Variants in FOXN3 observed in about 807,000 individuals in gnomAD.
FOXN3 encodes forkhead box N3.
FOXN3 carries 7 observed loss-of-function variants against 38.4 expected under a neutral mutation model. The ratio of observed to expected loss-of-function variants is 0.18; its 90% CI spans 0.10 to 0.34. FOXN3 has a LOEUF of 0.34. FOXN3 is among the 10% of genes least tolerant of loss of function. The pLI is 1.00. For synonymous variants in FOXN3, 230 were observed against 242.2 expected (o/e 0.95, Z 0.47); for missense variants, 456 against 613.4 (o/e 0.74, Z 2.71).
chr14:89,553,980 C>T (rs143376308), intron 1 of FOXN3, among the ~76,000 whole-genome samples: 1 of 151,982 alleles, frequency 6.6e-6, no homozygotes, highest in Admixed American at 6.6e-5. Flanking sequence ...TTCCACTAAA[C>T]GTGACTTTCT....
chr14:89,398,954 A>G (rs1240014114), intron 2 of FOXN3, among the ~76,000 whole-genome samples: 1 of 152,266 alleles, frequency 6.6e-6, no homozygotes, highest in African/African-American at 2.4e-5. Context: ...ATTGCACTCC[A>G]GCCTGGGCAA....
intron 1 of FOXN3, among the ~76,000 whole-genome samples, chr14:89,521,611 G>A (rs2139822057): frequency 6.6e-6 from 1 of 152,040 alleles, no homozygotes; most frequent in East Asian, 1.9e-4. Flanking sequence ...AAGAAATAAT[G>A]GCCACAAACT....
chr14:89,329,398 A>G (rs970438432), intron 3 of FOXN3, among the ~76,000 whole-genome samples: 2 of 152,128 alleles, frequency 1.3e-5, no homozygotes, highest in East Asian at 1.9e-4. Flanking sequence ...GTGGTCCTCA[A>G]CTGGGGTTGG....
intron 1 of FOXN3, among the ~76,000 whole-genome samples, chr14:89,602,934 A>G (rs192629697): frequency 2.0e-4 from 31 of 152,324 alleles, no homozygotes; most frequent in Admixed American, 1.1e-3. Flanking sequence ...TAAGTAAAAT[A>G]AGAGCTCAGA....
At chr14:89,420,237 T>G (rs1376797362), upstream of FOXN3, among the ~76,000 whole-genome samples, 1 of 152,222 alleles carries the variant, frequency 6.6e-6, no homozygotes, top group East Asian at 1.9e-4. Context: ...TGACATAGTT[T>G]AACTTCTCAG....
At chr14:89,291,117 TA>T in intron 3 of FOXN3, 3 of 514,890 alleles carry the variant, frequency 5.8e-6, no homozygotes, top group Non-Finnish European at 3.9e-6. Context: ...CCTGTTAGTG[TA>T]AAAGGTGGCA....
chr14:89,539,904 G>C (rs1006198377), intron 1 of FOXN3, among the ~76,000 whole-genome samples: 4 of 152,140 alleles, frequency 2.6e-5, no homozygotes, highest in African/African-American at 9.7e-5. Flanking sequence ...AAAGAAAAAG[G>C]AAACATACCA....
chr14:89,161,271 G>GT lies in FOXN3; in HGVS notation c.*1142dup, dbSNP rs1224769201. ...AATTGCAAACTCCATTTTGAGGGCAGTATAGGAGTTATTTTATTTTTTGCC... is the reference window on the plus strand; with the variant it reads ...AATTGCAAACTCCATTTTGAGGGCAGTTATAGGAGTTATTTTATTTTTTGCC... On this transcript the variant is annotated 3_prime_UTR_variant, in exon 6 of 6. Coordinates refer to ENST00000557258, the MANE Select transcript of FOXN3 (RefSeq NM_005197.4). 6.6e-6 allele frequency: 1 copy of GT among 151,606 alleles called. No individual in the cohort carries two copies. Among genetic ancestry groups the GT allele is most frequent in the Non-Finnish European group, 1.5e-5 (1 of 67,906 alleles). 9.4% of individuals were successfully genotyped at this position (151,606 alleles called of 1,614,324 possible).
rs572845847 is a variant in FOXN3 at position 89,495,438 on chromosome 14, CA to C, written c.-14-82949del. Among the ~76,000 whole-genome samples the C allele has an allele frequency of 1.3e-4, 20 of 152,128 alleles. No homozygotes were observed. The East Asian group carries it at 3.5e-3, about 26-fold the overall frequency. ...TAATAAATTCATTCCTAAAATAAAG[CA>C]GAACAGAAAATGGATATATACACAC... On this transcript the variant is annotated intron_variant, in intron 1 of 6. Coordinates refer to the FOXN3 transcript ENST00000345097.
At chr14:89,250,662 A>G (rs1191311260) in intron 4 of FOXN3, among the ~76,000 whole-genome samples, 1 of 152,184 alleles carries the variant, frequency 6.6e-6, no homozygotes, top group Non-Finnish European at 1.5e-5. Context: ...TCTGTCCCCA[A>G]ACTCATATAT....
intron 4 of FOXN3, among the ~76,000 whole-genome samples, chr14:89,193,797 A>G (rs1249575471): frequency 6.6e-6 from 1 of 152,204 alleles, no homozygotes; most frequent in East Asian, 1.9e-4. Flanking sequence ...TGTTTTCCAA[A>G]GAGGGTGTAC....
At chr14:89,411,285 A>C (rs1440731342) in intron 2 of FOXN3, among the ~76,000 whole-genome samples, 1 of 152,218 alleles carries the variant, frequency 6.6e-6, no homozygotes. Flanking sequence ...TCTGCTTTAA[A>C]GTCAATATTA....
intron 3 of FOXN3, among the ~76,000 whole-genome samples, chr14:89,333,977 T>C (rs1300939438): frequency 2.3e-3 from 6 of 2,556 alleles, no homozygotes; most frequent in African/African-American, 4.0e-3. Context: ...TATATATATA[T>C]ATATATATAT....
intron 1 of FOXN3, among the ~76,000 whole-genome samples, chr14:89,425,200 A>G (rs1305875620): frequency 6.7e-6 from 1 of 150,062 alleles, no homozygotes; most frequent in Non-Finnish European, 1.5e-5. Flanking sequence ...CCTCCCAAGT[A>G]GCTGGGATTA....
intron 2 of FOXN3, among the ~76,000 whole-genome samples, chr14:89,363,962 ATATATATATATATATATATATATATAAT>A (rs1566968888): frequency 1.3e-4 from 2 of 15,060 alleles, no homozygotes; most frequent in African/African-American, 3.2e-4. Flanking sequence ...ATATATATAT[ATATATATATATATATATATATATATAAT>A]ATATATATAT....
intron 3 of FOXN3, among the ~76,000 whole-genome samples, chr14:89,333,767 A>C (rs142908732): frequency 0.16 from 23,666 of 147,340 alleles, 2,535 homozygotes; most frequent in South Asian, 0.29. Flanking sequence ...AAAAAAAAAA[A>C]AAAAAAAAAC....
intron 1 of FOXN3, among the ~76,000 whole-genome samples, chr14:89,551,598 G>GC (rs543238427): frequency 3.9e-5 from 6 of 152,164 alleles, no homozygotes; most frequent in Non-Finnish European, 8.8e-5. Flanking sequence ...GCCAGCTGCT[G>GC]CCCCACACAG....
chr14:89,202,061 G>T (rs1194834090), intron 4 of FOXN3, among the ~76,000 whole-genome samples: 2 of 152,210 alleles, frequency 1.3e-5, no homozygotes, highest in African/African-American at 2.4e-5. Context: ...GTGTGTTAGT[G>T]AGAGTAAATA....
chr14:89,388,745 G>A (rs557273720), intron 2 of FOXN3, among the ~76,000 whole-genome samples: 3 of 151,890 alleles, frequency 2.0e-5, no homozygotes, highest in East Asian at 3.9e-4. Flanking sequence ...CCAGCTTGAT[G>A]AGAAGCAGGA....
Sources: allele counts gnomAD v4.1 joint callset (sites outside exome capture counted in the v4.1 genomes callset), GRCh38; gene constraint gnomAD v4.1.1; transcripts MANE v1.5; gene names NCBI Gene and HGNC (gene_info 2026-07-23, HGNC 2026-07-21).